Variants in ABCD2 observed in about 807,000 individuals in gnomAD.
ABCD2 encodes the protein ATP binding cassette subfamily D member 2.
In ABCD2, 36 loss-of-function variants were observed where a neutral mutation model predicts 70.9. The observed-to-expected ratio is 0.51, with a 90% CI of 0.39 to 0.67. ABCD2 has a LOEUF of 0.67. ABCD2 is among the 30% of genes least tolerant of loss of function. The probability of loss-of-function intolerance (pLI) is 0.00; values close to 1 mark genes in which losing one functional copy is unlikely to be tolerated. For missense variants in ABCD2, 729 were observed against 890.2 expected, an observed-to-expected ratio of 0.82 and a Z score of 2.30; for synonymous variants, 304 against 306.9, an observed-to-expected ratio of 0.99 and a Z score of 0.10.
intron 6 of ABCD2, among the ~76,000 whole-genome samples, chr12:39,593,641 C>T (rs946896531): frequency 3.9e-5 from 6 of 152,128 alleles, no homozygotes; most frequent in African/African-American, 7.2e-5. Context: ...TTGGTATTAT[C>T]GTCCTTCAAG....
intron 9 of ABCD2, among the ~76,000 whole-genome samples, chr12:39,569,136 C>G (rs1941406711): frequency 6.6e-6 from 1 of 152,162 alleles, no homozygotes; most frequent in Non-Finnish European, 1.5e-5. Flanking sequence ...CTGTGAGAAC[C>G]ACTGCTCTCT....
intron 6 of ABCD2, among the ~76,000 whole-genome samples, chr12:39,588,420 T>C (rs892264600): frequency 2.0e-5 from 3 of 151,782 alleles, no homozygotes; most frequent in African/African-American, 7.3e-5. Context: ...TCTTATCAAA[T>C]GAGAAGAAAC....
At chr12:39,548,849 A>G (rs959261144), downstream of ABCD2, among the ~76,000 whole-genome samples, 7 of 151,930 alleles carry the variant, frequency 4.6e-5, no homozygotes, top group African/African-American at 1.7e-4. Context: ...TAAATCACAT[A>G]AAAACTCATA....
intron 5 of ABCD2, among the ~76,000 whole-genome samples, chr12:39,601,834 T>C (rs1228009929): frequency 6.6e-6 from 1 of 152,122 alleles, no homozygotes; most frequent in East Asian, 1.9e-4. Flanking sequence ...GTTATCTGCC[T>C]GTGCTCTTTC....
At chr12:39,579,499 A>G in intron 8 of ABCD2, 36 bp downstream of exon 8, 1 of 1,475,750 alleles carries the variant, frequency 6.8e-7, no homozygotes, top group Non-Finnish European at 9.4e-7. Flanking sequence ...TGGTTACAAC[A>G]ATGGCCTAGT....
intron 9 of ABCD2, among the ~76,000 whole-genome samples, chr12:39,561,439 AACTGTGCGCTGCTTAC>A (rs1941257347): frequency 6.6e-6 from 1 of 151,912 alleles, no homozygotes; most frequent in Non-Finnish European, 1.5e-5. Flanking sequence ...AGCAAGACCC[AACTGTGCGCTGCTTAC>A]AGGAGACTCA....
rs773381300 is a variant in ABCD2, at chr12:39,553,984, G to A, written c.2151C>T (p.Leu717=). The A allele has an allele frequency of 6.2e-7, 1 of 1,613,086 alleles. No individual in the cohort carries two copies. Among genetic ancestry groups the A allele is most frequent in the African/African-American group, 1.3e-5 (1 of 74,850 alleles). The change falls in exon 10 of 10, where the codon CTC becomes CTT. Residue 717 remains leucine, a synonymous_variant. Coordinates refer to ENST00000308666, the MANE Select transcript of ABCD2 (RefSeq NM_005164.4). Reference sequence around the variant, plus strand: ...CTCCCAAAATTTTACATAGTTCATTGAGTCTCTGCTGCATTTTGGGAATTC... The same window carrying A: ...CTCCCAAAATTTTACATAGTTCATTAAGTCTCTGCTGCATTTTGGGAATTC... ...LAGIPKMQQR[L]NELCKILGED... is the part of the protein sequence containing the mutation.
At chr12:39,543,886 C>T in the ABCD2 span, among the ~76,000 whole-genome samples, 1 of 152,166 alleles carries the variant, frequency 6.6e-6, no homozygotes, top group Non-Finnish European at 1.5e-5. Context: ...TCAGCTCACA[C>T]TTGGGGTCTT....
chr12:39,573,998 C>A lies in ABCD2; in HGVS notation c.1878-157G>T, dbSNP rs183304900. On this transcript the variant is annotated intron_variant, in intron 8 of 9. Coordinates refer to ENST00000308666, the MANE Select transcript of ABCD2 (RefSeq NM_005164.4). ...ATGATAAAGCAAAAAAGTAGTTGTCCCCTTCTTTGGACTATAATATCACAT... is the reference window on the plus strand; with the variant it reads ...ATGATAAAGCAAAAAAGTAGTTGTCACCTTCTTTGGACTATAATATCACAT... Among the ~76,000 whole-genome samples, 3 of 150,480 alleles carry A rather than the reference C, an allele frequency of 2.0e-5. No homozygotes were observed. The East Asian group carries it at 5.8e-4, about 29-fold the overall frequency.
At chr12:39,573,352 A>G (rs896146201) in intron 9 of ABCD2, among the ~76,000 whole-genome samples, 3 of 151,984 alleles carry the variant, frequency 2.0e-5, no homozygotes, top group African/African-American at 7.2e-5. Context: ...GTGTGTACAT[A>G]TATTTTTTTC....
the ABCD2 span, among the ~76,000 whole-genome samples, chr12:39,533,990 A>C: frequency 6.6e-6 from 1 of 152,252 alleles, no homozygotes; most frequent in Non-Finnish European, 1.5e-5. Context: ...TGTGCTTTGC[A>C]GAACCTGGGG....
At position 39,552,996 on chromosome 12, in the gene ABCD2, G is replaced by A. The variant is rs745634481; in HGVS notation, c.*916C>T. 6.6e-6 allele frequency: 1 copy of A among 151,956 alleles called. No individual in the cohort carries two copies. The highest frequency in any genetic ancestry group is 1.5e-5 in the Non-Finnish European group (1 of 67,870). 9.4% of individuals were successfully genotyped at this position (151,956 alleles called of 1,614,324 possible). ...GTCATCAACATTAAGGTGAAATGAT[G>A]TAAATGGGGATTGTAAATTATAAAG... is the stretch of plus-strand genomic sequence containing the variant. On this transcript the variant is annotated 3_prime_UTR_variant, in exon 10 of 10. Coordinates refer to ENST00000308666, the MANE Select transcript of ABCD2 (RefSeq NM_005164.4).
chr12:39,534,689 A>AGGAAGGAC, the ABCD2 span, among the ~76,000 whole-genome samples: 14 of 86,468 alleles, frequency 1.6e-4, no homozygotes, highest in South Asian at 1.2e-3. Context: ...GAAGGAAGGA[A>AGGAAGGAC]GGAAGGAAGG....
chr12:39,586,744 G>C (rs1187979723), intron 6 of ABCD2, among the ~76,000 whole-genome samples: 2 of 152,092 alleles, frequency 1.3e-5, no homozygotes, highest in Non-Finnish European at 2.9e-5. Context: ...TTGTTTCACT[G>C]TATTTGATAA....
At chr12:39,580,702 C>A (rs899066905) in intron 7 of ABCD2, among the ~76,000 whole-genome samples, 1 of 152,104 alleles carries the variant, frequency 6.6e-6, no homozygotes, top group Non-Finnish European at 1.5e-5. Flanking sequence ...ATGCCAAAAC[C>A]TAACAGATAC....
chr12:39,562,068 AAAC>A (rs1941267893), intron 9 of ABCD2, among the ~76,000 whole-genome samples: 1 of 151,470 alleles, frequency 6.6e-6, no homozygotes, highest in Admixed American at 6.5e-5. Context: ...CATAGAAATT[AAAC>A]AACATGATAT....
At chr12:39,559,378 C>CAAAAAAAAAAAAAAAAAAA (rs199560381) in intron 9 of ABCD2, among the ~76,000 whole-genome samples, 1 of 60,378 alleles carries the variant, frequency 1.7e-5, no homozygotes, top group African/African-American at 4.5e-5. Context: ...ACTCCAGCTC[C>CAAAAAAAAAAAAAAAAAAA]AAAAAAAAAA....
Position 39,568,816 on chromosome 12 carries a change from C to T in ABCD2, c.2003+4900G>A, listed in dbSNP as rs775914420. ...ACAGATGGGGTTTTGGTGTTCATGT[C>T]CTTTCTGTTTGTTAGTTTTCCTGCT... On this transcript the variant is annotated intron_variant, in intron 9 of 9. Transcript: ENST00000308666. Among the ~76,000 whole-genome samples the T allele has an allele frequency of 3.6e-4, 55 of 152,108 alleles. 1 individual carries two copies. Among genetic ancestry groups the T allele is most frequent in the African/African-American group, 1.4e-4 (6 of 41,416 alleles).
At chr12:39,539,339 G>A in the ABCD2 span, among the ~76,000 whole-genome samples, 1 of 152,186 alleles carries the variant, frequency 6.6e-6, no homozygotes, top group South Asian at 2.1e-4. Flanking sequence ...GTCAAGAGAT[G>A]GGAAACAGAA....
Sources: allele counts gnomAD v4.1 joint callset (sites outside exome capture counted in the v4.1 genomes callset), GRCh38; gene constraint gnomAD v4.1.1; transcripts MANE v1.5; gene names NCBI Gene and HGNC (gene_info 2026-07-23, HGNC 2026-07-21).